Variants in GRHL2 observed in about 807,000 individuals in gnomAD.
GRHL2 encodes the protein grainyhead like transcription factor 2.
A neutral mutation model predicts 83.8 loss-of-function variants in GRHL2; 21 were observed. The observed-to-expected ratio is 0.25, with a 90% CI of 0.18 to 0.36. GRHL2 has a LOEUF of 0.36. Ranked by LOEUF, GRHL2 falls within the 10% of genes least tolerant of loss-of-function variation. The pLI is 1.00. For missense variants in GRHL2, 623 were observed against 781.8 expected, an observed-to-expected ratio of 0.80 and a Z score of 2.42; for synonymous variants, 280 against 278.9, an observed-to-expected ratio of 1.00 and a Z score of -0.04.
Position 101,510,924 on chromosome 8 carries a change from C to T in GRHL2, c.20+18135C>T, listed in dbSNP as rs1586405695. Reference sequence around the variant, plus strand: ...AGCCTGCCTGGCCAACATGGCGAAACCCCGTCTCTACTAAAAATACAAAAA... The same window carrying T: ...AGCCTGCCTGGCCAACATGGCGAAATCCCGTCTCTACTAAAAATACAAAAA... On this transcript the variant is annotated intron_variant, in intron 1 of 15. Transcript: ENST00000646743. Among the ~76,000 whole-genome samples, 5 of 152,178 alleles carry T rather than the reference C, an allele frequency of 3.3e-5. No homozygotes were observed. In the Middle Eastern group the frequency reaches 0.014, roughly 414 times the overall value.
intron 2 of GRHL2, among the ~76,000 whole-genome samples, chr8:101,545,150 C>T (rs1811234455): frequency 6.6e-6 from 1 of 152,110 alleles, no homozygotes; most frequent in Non-Finnish European, 1.5e-5. Context: ...ATATTGCTAA[C>T]TCAAATAAAT....
intron 1 of GRHL2, among the ~76,000 whole-genome samples, chr8:101,509,246 T>TGTGTGTGTGTG (rs1810416630): frequency 6.6e-5 from 9 of 136,796 alleles, no homozygotes; most frequent in African/African-American, 1.3e-4. Context: ...TGTGTGTGTG[T>TGTGTGTGTGTG]TTTGGCCTAT....
At chr8:101,632,914 A>G (rs1813215842) in intron 11 of GRHL2, among the ~76,000 whole-genome samples, 1 of 152,260 alleles carries the variant, frequency 6.6e-6, no homozygotes, top group Admixed American at 6.5e-5. Context: ...AAGTGAAACG[A>G]AAGATCTCAA....
intron 1 of GRHL2, among the ~76,000 whole-genome samples, chr8:101,514,947 C>CT (rs1586409797): frequency 6.7e-6 from 1 of 149,984 alleles, no homozygotes; most frequent in South Asian, 2.1e-4. Flanking sequence ...TTTCTTCTTC[C>CT]TTTCCTTTCC....
chr8:101,518,170 C>T (rs772188318), intron 1 of GRHL2, among the ~76,000 whole-genome samples: 2 of 152,192 alleles, frequency 1.3e-5, no homozygotes, highest in African/African-American at 2.4e-5. Context: ...TAATCATATC[C>T]TCCACCTCCT....
chr8:101,598,204 A>ATGATTAAC (rs1385267316), intron 7 of GRHL2, among the ~76,000 whole-genome samples: 1 of 151,558 alleles, frequency 6.6e-6, no homozygotes, highest in Non-Finnish European at 1.5e-5. Flanking sequence ...TAGACCAACT[A>ATGATTAAC]TGATTAACTC....
intron 9 of GRHL2, among the ~76,000 whole-genome samples, chr8:101,628,399 T>G (rs1017575521): frequency 1.3e-5 from 2 of 152,038 alleles, no homozygotes; most frequent in Non-Finnish European, 2.9e-5. Context: ...AAGCCCACTG[T>G]TGAGACCCAC....
At chr8:101,521,714 A>G (rs551660039) in intron 1 of GRHL2, among the ~76,000 whole-genome samples, 16 of 152,318 alleles carry the variant, frequency 1.1e-4, no homozygotes, top group African/African-American at 3.8e-4. Flanking sequence ...CATAACTTCC[A>G]TGATAAGATT....
chr8:101,523,468 C>A (rs940290068), intron 1 of GRHL2, among the ~76,000 whole-genome samples: 1 of 105,350 alleles, frequency 9.5e-6, no homozygotes, highest in Non-Finnish European at 1.9e-5. Flanking sequence ...ACTTTTATAT[C>A]CACTGAAAGT....
intron 2 of GRHL2, among the ~76,000 whole-genome samples, chr8:101,549,628 A>G (rs1286836868): frequency 6.6e-6 from 1 of 152,110 alleles, no homozygotes; most frequent in Non-Finnish European, 1.5e-5. Context: ...GCACACAACA[A>G]AAGAAGTAAA....
At chr8:101,507,957 AT>A (rs1810375522) in intron 1 of GRHL2, among the ~76,000 whole-genome samples, 1 of 151,070 alleles carries the variant, frequency 6.6e-6, no homozygotes, top group Non-Finnish European at 1.5e-5. Flanking sequence ...TAATTTTTGT[AT>A]TTTCAGCAGG....
Position 101,529,727 on chromosome 8 carries a change from T to G in GRHL2, c.21-13514T>G, listed in dbSNP as rs140578316. Among the ~76,000 whole-genome samples the G allele has an allele frequency of 2.0e-5, 3 of 152,306 alleles. No individual in the cohort carries two copies. In the East Asian group the frequency reaches 5.8e-4, roughly 29 times the overall value. On this transcript the variant is annotated intron_variant, in intron 1 of 15. Coordinates refer to ENST00000646743, the MANE Select transcript of GRHL2 (RefSeq NM_024915.4). ...TTACTCATGTAAGGTTTCCTTAAAT[T>G]TCCTTACATTCTCAGTTCTCATATT...
chr8:101,663,637 A>AT (rs1319819525), intron 14 of GRHL2, among the ~76,000 whole-genome samples: 13 of 151,456 alleles, frequency 8.6e-5, no homozygotes, highest in South Asian at 4.2e-4. Context: ...AAATAAATAA[A>AT]TAAATAAAAA....
At chr8:101,518,020 A>C (rs1388430743) in intron 1 of GRHL2, among the ~76,000 whole-genome samples, 3 of 152,166 alleles carry the variant, frequency 2.0e-5, no homozygotes, top group African/African-American at 7.2e-5. Flanking sequence ...TAGAAGTTCT[A>C]GAGCTTTCAG....
intron 6 of GRHL2, among the ~76,000 whole-genome samples, chr8:101,576,057 G>C (rs1431156636): frequency 2.0e-5 from 3 of 152,246 alleles, no homozygotes; most frequent in African/African-American, 7.2e-5. Flanking sequence ...TGTATTTGCT[G>C]TCTGTTATTC....
rs1814104682 is a variant in GRHL2, at chr8:101,667,694, TTCTG to T, written c.*996_*999del. 6.6e-6 allele frequency: 1 copy of T among 152,540 alleles called. No individual in the cohort carries two copies. Among genetic ancestry groups the T allele is most frequent in the Non-Finnish European group, 1.5e-5 (1 of 68,082 alleles). The allele number at this position is 152,540 out of a possible 1,614,324, so 9.4% of individuals were successfully genotyped here. A position where few individuals can be genotyped will look rare whatever the true frequency, so the allele number is the denominator to read the frequency against. ...TTGCGCTGTCTCGTGGGAAAGGTCATTCTGTCTGAGACCCCAGCTCCTTCTCCAG... is the reference window on the plus strand; with the variant it reads ...TTGCGCTGTCTCGTGGGAAAGGTCATTCTGAGACCCCAGCTCCTTCTCCAG... On this transcript the variant is annotated 3_prime_UTR_variant, in exon 16 of 16. Coordinates refer to ENST00000646743, the MANE Select transcript of GRHL2 (RefSeq NM_024915.4).
the GRHL2 span, among the ~76,000 whole-genome samples, chr8:101,675,119 A>C: frequency 6.6e-6 from 1 of 152,062 alleles, no homozygotes; most frequent in Admixed American, 6.6e-5. Context: ...ATGGGCAAAA[A>C]CTGGAAGCAT....
intron 1 of GRHL2, among the ~76,000 whole-genome samples, chr8:101,531,089 G>A (rs1325025779): frequency 2.0e-5 from 3 of 151,978 alleles, no homozygotes; most frequent in African/African-American, 4.8e-5. Flanking sequence ...AATTAGTCAG[G>A]CATGATGGAC....
intron 8 of GRHL2, among the ~76,000 whole-genome samples, chr8:101,606,292 G>C (rs887500633): frequency 2.0e-5 from 3 of 152,208 alleles, no homozygotes; most frequent in Non-Finnish European, 4.4e-5. Context: ...TTACAAAAGA[G>C]ATGTGCATGT....
Sources: gnomAD v4.1 joint callset for allele counts (sites outside exome capture counted in the v4.1 genomes callset) on GRCh38, gnomAD v4.1.1 for gene constraint, MANE v1.5 for transcripts, NCBI Gene and HGNC (gene_info 2026-07-23, HGNC 2026-07-21) for gene names.